The following UBOX5 variants were observed in gnomAD, a reference collection of about 807,000 sequenced individuals.
UBOX5 encodes the protein U-box domain containing 5, also known as RING finger protein 37.
A neutral mutation model predicts 39.0 loss-of-function variants in UBOX5; 28 were observed. The observed-to-expected ratio is 0.72, with a 90% CI of 0.53 to 0.98. The LOEUF is 0.98. UBOX5 is among the 50% of genes least tolerant of loss of function. The probability of loss-of-function intolerance (pLI) is 0.00; values close to 1 mark genes in which losing one functional copy is unlikely to be tolerated. For missense variants in UBOX5, 585 were observed against 674.4 expected, an observed-to-expected ratio of 0.87 and a Z score of 1.47; for synonymous variants, 283 against 275.5, an observed-to-expected ratio of 1.03 and a Z score of -0.27.
In UBOX5 at chr20:3,139,823, C is replaced by T. The variant is rs7347382; in HGVS notation, c.-41-16417G>A. The stretch of plus-strand genomic sequence containing the variant: ...CTCCTGGGTTCAAGCGATTCTCCTG[C>T]CTCAGCCTCCTGAGTAACTGGTATT... On this transcript the variant is annotated intron_variant, in intron 1 of 4. Transcript: ENST00000217173. 2.4e-3 allele frequency among the ~76,000 whole-genome samples: 356 copies of T among 151,330 alleles called. 2 individuals are homozygous for T. Among genetic ancestry groups the T allele is most frequent in the African/African-American group, 8.3e-3 (344 of 41,228 alleles).
intron 1 of UBOX5, among the ~76,000 whole-genome samples, chr20:3,128,069 GATT>G (rs2066403615): frequency 6.6e-6 from 1 of 152,200 alleles, no homozygotes. Context: ...TTTTCTGAAA[GATT>G]ATATTAACAA....
intron 4 of UBOX5, chr20:3,111,863 C>T (rs932667819): frequency 6.6e-6 from 1 of 152,222 alleles, no homozygotes; most frequent in Non-Finnish European, 1.5e-5. Context: ...GGCAAGTGCT[C>T]CATCCACATG....
chr20:3,154,290 G>A (rs1455145876), intron 1 of UBOX5, among the ~76,000 whole-genome samples: 2 of 152,180 alleles, frequency 1.3e-5, no homozygotes, highest in Non-Finnish European at 2.9e-5. Flanking sequence ...GATAATCCGG[G>A]CATGAACAAG....
At chr20:3,148,857 TG>T (rs754400346) in intron 1 of UBOX5, 2 of 1,614,218 alleles carry the variant, frequency 1.2e-6, no homozygotes, top group African/African-American at 2.7e-5. Flanking sequence ...TGGGCACTGC[TG>T]GTTGTCAGGA....
intron 3 of UBOX5, among the ~76,000 whole-genome samples, chr20:3,120,495 A>G (rs1006679632): frequency 1.5e-4 from 23 of 151,492 alleles, no homozygotes; most frequent in Admixed American, 1.3e-3. Context: ...AAAAATACAA[A>G]AACTTAGCCA....
intron 1 of UBOX5, among the ~76,000 whole-genome samples, chr20:3,128,735 C>T (rs1334825054): frequency 6.6e-6 from 1 of 152,168 alleles, no homozygotes; most frequent in African/African-American, 2.4e-5. Context: ...TGGTAGCACA[C>T]ACCTCTAGTC....
chr20:3,147,288 C>A, intron 1 of UBOX5: 1 of 1,614,220 alleles, frequency 6.2e-7, no homozygotes, highest in Non-Finnish European at 8.5e-7. Context: ...AGGTTAACAT[C>A]AAGCTGGACC....
chr20:3,135,711 T>TTCA (rs2066465198), intron 1 of UBOX5, among the ~76,000 whole-genome samples: 1 of 152,008 alleles, frequency 6.6e-6, no homozygotes, highest in African/African-American at 2.4e-5. Flanking sequence ...TACATATATA[T>TTCA]GTGAACACAC....
At chr20:3,148,434 A>C in intron 1 of UBOX5, 3 of 1,614,118 alleles carry the variant, frequency 1.9e-6, no homozygotes, top group South Asian at 1.1e-5. Context: ...AAAATGACAA[A>C]AGCTTTCAAA....
chr20:3,135,288 A>G (rs185592679), intron 1 of UBOX5, among the ~76,000 whole-genome samples: 110 of 152,244 alleles, frequency 7.2e-4, no homozygotes, highest in Non-Finnish European at 1.2e-3. Flanking sequence ...AGGGACAGAC[A>G]CTCCATATTA....
rs1448985079 is a variant in UBOX5, at chr20:3,122,258, G to A, written c.381C>T (p.Ser127=). 1.3e-5 allele frequency: 21 copies of A among 1,614,116 alleles called. No individual in the cohort carries two copies. Among genetic ancestry groups the A allele is most frequent in the Non-Finnish European group, 1.7e-5 (20 of 1,180,048 alleles). The change falls in exon 3 of 5, where the codon AGC becomes AGT. Residue 127 remains serine (S), a synonymous_variant. Coordinates refer to ENST00000217173, the MANE Select transcript of UBOX5 (RefSeq NM_014948.4). ...LVGKVLLKNQ[S]QVVFSHRGFK... Reference sequence around the variant, plus strand: ...AGCCCCTGTGGCTAAACACCACTTGGCTCTGGTTTTTCAGTAAGACTTTGC... The same window carrying A: ...AGCCCCTGTGGCTAAACACCACTTGACTCTGGTTTTTCAGTAAGACTTTGC...
At chr20:3,117,568 C>T (rs1484770803) in intron 3 of UBOX5, among the ~76,000 whole-genome samples, 2 of 152,136 alleles carry the variant, frequency 1.3e-5, no homozygotes, top group African/African-American at 2.4e-5. Flanking sequence ...CCTGTAGTCC[C>T]AGCTACTCAG....
chr20:3,133,200 G>A (rs1006652909), intron 1 of UBOX5, among the ~76,000 whole-genome samples: 3 of 152,100 alleles, frequency 2.0e-5, no homozygotes, highest in African/African-American at 4.8e-5. Flanking sequence ...TCTTTAATAG[G>A]TATAATCTCA....
chr20:3,136,386 C>G (rs2066472563), intron 1 of UBOX5, among the ~76,000 whole-genome samples: 1 of 152,070 alleles, frequency 6.6e-6, no homozygotes, highest in South Asian at 2.1e-4. Context: ...CAGAGTCTCT[C>G]TCTGTCACCT....
At position 3,122,349 on chromosome 20, in the gene UBOX5, G is replaced by A. The variant is rs750677382; in HGVS notation, c.290C>T (p.Pro97Leu). The change falls in exon 3 of 5, where the codon CCC becomes CTC. Residue 97 changes from proline to leucine, a missense_variant. Transcript: ENST00000217173. ...AGCTGGGCCCAGGGTCCGGCACTGG[G>A]GCGTATTCCAAGACACTCTGCTAGA... ...ASSSRVSWNT[P>L]QCRTLGPAEP... 8.1e-6 allele frequency: 13 copies of A among 1,614,176 alleles called. No individual in the cohort carries two copies. Among genetic ancestry groups the A allele is most frequent in the Non-Finnish European group, 1.0e-5 (12 of 1,180,044 alleles).
At chr20:3,134,067 T>G (rs868685337) in intron 1 of UBOX5, among the ~76,000 whole-genome samples, 149 of 152,122 alleles carry the variant, frequency 9.8e-4, no homozygotes, top group African/African-American at 3.3e-3. Flanking sequence ...AAGGTAAGCT[T>G]TATCTAATGT....
At chr20:3,113,297 C>CAAA (rs1170742055) in intron 4 of UBOX5, among the ~76,000 whole-genome samples, 3 of 47,542 alleles carry the variant, frequency 6.3e-5, no homozygotes, top group African/African-American at 1.5e-4. Flanking sequence ...GACTCTGTCT[C>CAAA]AAAAAAAAAA....
At chr20:3,159,054 T>C (rs1401362961) in intron 1 of UBOX5, among the ~76,000 whole-genome samples, 1 of 152,076 alleles carries the variant, frequency 6.6e-6, no homozygotes, top group Non-Finnish European at 1.5e-5. Flanking sequence ...TGAACACAGC[T>C]GATATGAGGG....
intron 1 of UBOX5, among the ~76,000 whole-genome samples, chr20:3,150,142 C>T (rs1437993962): frequency 1.3e-5 from 2 of 152,122 alleles, no homozygotes; most frequent in South Asian, 2.1e-4. Flanking sequence ...TTAGAAGATG[C>T]CTACTCTCCT....
Sources: gnomAD v4.1 joint callset for allele counts (sites outside exome capture counted in the v4.1 genomes callset) on GRCh38, gnomAD v4.1.1 for gene constraint, MANE v1.5 for transcripts, NCBI Gene and HGNC (gene_info 2026-07-23, HGNC 2026-07-21) for gene names.